The following RIPOR2 variants were observed in gnomAD, a reference collection of about 807,000 sequenced individuals.
The protein encoded by RIPOR2 is RHO family interacting cell polarization regulator 2, also known as rho family-interacting cell polarization regulator 2.
A neutral mutation model predicts 114.5 loss-of-function variants in RIPOR2; 39 were observed. The ratio of observed to expected loss-of-function variants is 0.34; its 90% CI spans 0.26 to 0.44. The LOEUF (loss-of-function observed/expected upper bound fraction) is 0.44, where lower values mean the gene tolerates loss of function less well. RIPOR2 is among the 20% of genes least tolerant of loss of function. RIPOR2 has a pLI of 1.00. For missense variants in RIPOR2, 1,007 were observed against 1,255.1 expected (o/e 0.80, Z 2.99); for synonymous variants, 445 against 484.4 (o/e 0.92, Z 1.07).
intron 1 of RIPOR2, among the ~76,000 whole-genome samples, chr6:25,039,007 C>A (rs568375413): frequency 2.0e-5 from 3 of 152,314 alleles, no homozygotes; most frequent in Admixed American, 2.0e-4. Context: ...GGCACATGTC[C>A]CTCCTATCGC....
intron 1 of RIPOR2, among the ~76,000 whole-genome samples, chr6:24,991,525 C>A (rs1248172093): frequency 6.6e-6 from 1 of 152,136 alleles, no homozygotes; most frequent in Non-Finnish European, 1.5e-5. Flanking sequence ...ATGATTATGT[C>A]CCCCTGCTAG....
At chr6:24,832,541 C>A in intron 15 of RIPOR2, 150 bp from the exon 16 acceptor site, 9 of 695,158 alleles carry the variant, frequency 1.3e-5, no homozygotes, top group Non-Finnish European at 2.2e-5. Flanking sequence ...TCATTCCATG[C>A]CAGTTACAAC....
chr6:24,928,541 T>A (rs551039904), intron 1 of RIPOR2, among the ~76,000 whole-genome samples: 1 of 152,212 alleles, frequency 6.6e-6, no homozygotes, highest in Non-Finnish European at 1.5e-5. Context: ...TTACACTGAA[T>A]GAACAGTTTA....
At chr6:24,828,361 A>G (rs1581507935) in intron 17 of RIPOR2, 66 bp from the exon 18 acceptor site, 1 of 988,852 alleles carries the variant, frequency 1.0e-6, no homozygotes, top group Non-Finnish European at 1.3e-6. Flanking sequence ...CATTCATTCA[A>G]TAATTTTTAT....
At chr6:24,930,486 T>C (rs1311383131) in intron 1 of RIPOR2, among the ~76,000 whole-genome samples, 1 of 151,950 alleles carries the variant, frequency 6.6e-6, no homozygotes, top group African/African-American at 2.4e-5. Flanking sequence ...ATCAGGGGGG[T>C]GGACTGGTGG....
At chr6:24,984,246 C>T (rs906350856) in intron 1 of RIPOR2, among the ~76,000 whole-genome samples, 1 of 152,176 alleles carries the variant, frequency 6.6e-6, no homozygotes, top group Non-Finnish European at 1.5e-5. Flanking sequence ...TTTATTTCAC[C>T]TGGGTGCAGG....
intron 8 of RIPOR2, among the ~76,000 whole-genome samples, chr6:24,854,771 T>C (rs1175665197): frequency 6.6e-6 from 1 of 152,146 alleles, no homozygotes; most frequent in Non-Finnish European, 1.5e-5. Flanking sequence ...CTCACACCTG[T>C]AATCCCAGCA....
intron 1 of RIPOR2, among the ~76,000 whole-genome samples, chr6:24,962,557 C>T (rs774566107): frequency 6.6e-6 from 1 of 152,048 alleles, no homozygotes; most frequent in Non-Finnish European, 1.5e-5. Flanking sequence ...GTATTTAATG[C>T]CATGGATATA....
At chr6:24,839,877 A>G in intron 13 of RIPOR2, 1 of 1,123,808 alleles carries the variant, frequency 8.9e-7, no homozygotes, top group Non-Finnish European at 1.1e-6. Context: ...CAAATCCCAG[A>G]AACAGGAAGT....
chr6:24,979,021 G>T (rs1033090755), intron 1 of RIPOR2, among the ~76,000 whole-genome samples: 1 of 152,094 alleles, frequency 6.6e-6, no homozygotes, highest in Admixed American at 6.6e-5. Flanking sequence ...TTTGGAGAAA[G>T]GTTTAACATT....
intron 6 of RIPOR2, among the ~76,000 whole-genome samples, chr6:24,868,722 A>G (rs919743515): frequency 6.6e-6 from 1 of 152,188 alleles, no homozygotes; most frequent in African/African-American, 2.4e-5. Context: ...GAAGAAGTTT[A>G]CGGGGCACCA....
chr6:24,930,935 A>T (rs566267882), intron 1 of RIPOR2, among the ~76,000 whole-genome samples: 1 of 152,352 alleles, frequency 6.6e-6, no homozygotes, highest in Non-Finnish European at 1.5e-5. Context: ...GTATTTATTT[A>T]TGTTATAAAA....
chr6:24,927,499 C>T (rs939924721), intron 1 of RIPOR2, among the ~76,000 whole-genome samples: 6 of 152,040 alleles, frequency 3.9e-5, no homozygotes, highest in East Asian at 1.9e-4. Flanking sequence ...ACCATCACTA[C>T]CATCACCATC....
chr6:24,918,696 G>A lies in RIPOR2; in HGVS notation c.61+17142C>T, dbSNP rs554625455. Among the ~76,000 whole-genome samples the A allele has an allele frequency of 5.9e-5, 9 of 152,196 alleles. 1 individual carries two copies. Among genetic ancestry groups the A allele is most frequent in the Admixed American group, 1.3e-4 (2 of 15,278 alleles). Reference sequence around the variant, plus strand: ...AACTGAGGTCTCAGTAAGGTTAAATGAGCTGTCACTACTACTCAGGCAAAG... The same window carrying A: ...AACTGAGGTCTCAGTAAGGTTAAATAAGCTGTCACTACTACTCAGGCAAAG... On this transcript the variant is annotated intron_variant, in intron 1 of 21. Transcript: ENST00000643898.
intron 1 of RIPOR2, among the ~76,000 whole-genome samples, chr6:24,995,863 C>T (rs977544972): frequency 3.4e-5 from 5 of 146,340 alleles, no homozygotes; most frequent in African/African-American, 5.1e-5. Context: ...AGTGCAGTGG[C>T]GTGATCTCAG....
chr6:24,873,869 C>CCAAAAGGATTTGACCAAAGAAAAA, intron 2 of RIPOR2, 70 bp from the exon 3 acceptor site: 1 of 1,283,714 alleles, frequency 7.8e-7, no homozygotes, highest in African/African-American at 1.5e-5. Context: ...AAAATGTCTT[C>CCAAAAGGATTTGACCAAAGAAAAA]TATTATTTAC....
At chr6:24,992,447 A>C (rs775787470) in intron 1 of RIPOR2, among the ~76,000 whole-genome samples, 3 of 152,196 alleles carry the variant, frequency 2.0e-5, no homozygotes, top group Non-Finnish European at 4.4e-5. Flanking sequence ...CAAGAACCAA[A>C]TCGGAAAGGC....
chr6:24,861,102 G>T, intron 7 of RIPOR2, 66 bp from the exon 8 acceptor site: 1 of 1,086,656 alleles, frequency 9.2e-7, no homozygotes, highest in Non-Finnish European at 1.4e-6. Context: ...AGCACACGAC[G>T]TTCGAACAGC....
intron 1 of RIPOR2, among the ~76,000 whole-genome samples, chr6:24,919,877 G>A (rs893382298): frequency 6.6e-6 from 1 of 152,044 alleles, no homozygotes; most frequent in Non-Finnish European, 1.5e-5. Context: ...CCCTCTTGTC[G>A]GCAGTAGATA....
Sources: allele counts gnomAD v4.1 joint callset (sites outside exome capture counted in the v4.1 genomes callset), GRCh38; gene constraint gnomAD v4.1.1; transcripts MANE v1.5; gene names NCBI Gene and HGNC (gene_info 2026-07-23, HGNC 2026-07-21).